Variants in RIT2 observed in about 807,000 individuals in gnomAD.
The protein encoded by RIT2 is Ras like without CAAX 2.
Under a neutral mutation model 23.7 loss-of-function variants are expected in RIT2, and 24 were observed. That is an observed-to-expected ratio of 1.01 (90% CI 0.73 to 1.43). The LOEUF (loss-of-function observed/expected upper bound fraction) is 1.43, where lower values mean the gene tolerates loss of function less well. RIT2 is among the 40% of genes most tolerant of loss of function. RIT2 has a pLI of 0.00. For synonymous variants in RIT2, 107 were observed against 91.1 expected, an observed-to-expected ratio of 1.17 and a Z score of -0.99; for missense variants, 236 against 266.9, an observed-to-expected ratio of 0.88 and a Z score of 0.81.
At position 42,928,669 on chromosome 18, in the gene RIT2, A is replaced by T. The variant is rs143630285; in HGVS notation, c.235-4906T>A. Reference sequence around the variant, plus strand: ...TCATGAATTTACTATAATTTTTGCAAAGCAAAAGGATTGCAATAAGTAGGA... The same window carrying T: ...TCATGAATTTACTATAATTTTTGCATAGCAAAAGGATTGCAATAAGTAGGA... On this transcript the variant is annotated intron_variant, in intron 3 of 4. Transcript: ENST00000326695. Among the ~76,000 whole-genome samples, 647 of 152,134 alleles carry T rather than the reference A, an allele frequency of 4.3e-3. 8 individuals are homozygous for T. The highest frequency in any genetic ancestry group is 0.015 in the African/African-American group (609 of 41,528).
intron 4 of RIT2, among the ~76,000 whole-genome samples, chr18:42,828,003 C>G (rs898430338): frequency 7.7e-5 from 4 of 51,744 alleles, no homozygotes; most frequent in African/African-American, 2.9e-4. Context: ...GACTCCGTCT[C>G]AAAAAAAAAA....
At chr18:42,929,034 G>GATATATATAGATATATATATATATAT (rs1555647356) in intron 3 of RIT2, among the ~76,000 whole-genome samples, 5 of 96,956 alleles carry the variant, frequency 5.2e-5, no homozygotes, top group Admixed American at 1.3e-4. Context: ...AAAATATGGA[G>GATATATATAGATATATATATATATAT]ATATATATAT....
intron 3 of RIT2, among the ~76,000 whole-genome samples, chr18:42,924,263 A>G (rs561908644): frequency 2.9e-4 from 44 of 152,154 alleles, no homozygotes; most frequent in Non-Finnish European, 5.9e-4. Flanking sequence ...ACTCAAAAAT[A>G]TGAAAATGAA....
intron 1 of RIT2, among the ~76,000 whole-genome samples, chr18:43,097,603 C>T (rs940480501): frequency 8.6e-5 from 13 of 151,958 alleles, no homozygotes; most frequent in Non-Finnish European, 1.3e-4. Context: ...ATGAAAAGTT[C>T]CTTTTGTCTG....
chr18:43,084,076 A>T (rs1296719869), intron 1 of RIT2, among the ~76,000 whole-genome samples: 4 of 152,206 alleles, frequency 2.6e-5, no homozygotes, highest in African/African-American at 7.2e-5. Flanking sequence ...TGGGCAAAGA[A>T]TATGAACAGA....
chr18:42,743,737 T>A lies in RIT2; in HGVS notation c.427-17A>T. The A allele has an allele frequency of 6.5e-7, 1 of 1,539,704 alleles. No individual in the cohort carries two copies. The highest frequency in any genetic ancestry group is 8.9e-7 in the Non-Finnish European group (1 of 1,124,092). On this transcript the variant is annotated splice_polypyrimidine_tract_variant and intron_variant, in intron 4 of 4. Transcript: ENST00000326695. The stretch of plus-strand genomic sequence containing the variant: ...TGTAGAAACCTAAGGAAAAAACAAA[T>A]AATATTAAAAAGACAGAAAGAGAAA...
chr18:43,071,379 G>A (rs1912893184), intron 1 of RIT2, among the ~76,000 whole-genome samples: 1 of 152,240 alleles, frequency 6.6e-6, no homozygotes, highest in Admixed American at 6.5e-5. Context: ...GAGTTGGGGT[G>A]GCGGGGGGCG....
chr18:43,046,321 C>G (rs898848790), intron 1 of RIT2, among the ~76,000 whole-genome samples: 2 of 152,212 alleles, frequency 1.3e-5, no homozygotes, highest in African/African-American at 4.8e-5. Flanking sequence ...AGTTTTAGAA[C>G]AGATTGTGAC....
intron 4 of RIT2, among the ~76,000 whole-genome samples, chr18:42,870,699 G>A (rs1442562344): frequency 2.0e-5 from 3 of 152,090 alleles, no homozygotes; most frequent in African/African-American, 7.2e-5. Flanking sequence ...AGAAGCAACG[G>A]CATGTCACTG....
At chr18:42,850,816 C>G (rs190026209) in intron 4 of RIT2, among the ~76,000 whole-genome samples, 3 of 152,236 alleles carry the variant, frequency 2.0e-5, no homozygotes, top group Admixed American at 2.0e-4. Context: ...AAGGTGCTTC[C>G]TTAACTCCCA....
In RIT2 at chr18:43,021,130, T is replaced by C. The variant is rs539250160; in HGVS notation, c.160+12681A>G. Reference sequence around the variant, plus strand: ...ACAATTCATCTGACAAGGCCTAATATCCAGAATATATAATGAACTCAAAAA... The same window carrying C: ...ACAATTCATCTGACAAGGCCTAATACCCAGAATATATAATGAACTCAAAAA... On this transcript the variant is annotated intron_variant, in intron 2 of 4. Transcript: ENST00000326695. Among the ~76,000 whole-genome samples, 18 of 152,164 alleles carry C rather than the reference T, an allele frequency of 1.2e-4. No homozygotes were observed. The South Asian group carries it at 1.9e-3, about 16-fold the overall frequency.
chr18:43,040,436 G>A (rs185666760), intron 1 of RIT2, among the ~76,000 whole-genome samples: 9 of 152,264 alleles, frequency 5.9e-5, no homozygotes, highest in Admixed American at 2.0e-4. Context: ...CATAAGTTAT[G>A]CTGGAAGATG....
chr18:43,065,054 A>C (rs1912737646), intron 1 of RIT2, among the ~76,000 whole-genome samples: 1 of 151,820 alleles, frequency 6.6e-6, no homozygotes, highest in East Asian at 1.9e-4. Flanking sequence ...TCCTGGCCTC[A>C]TGATCTGCCC....
At chr18:43,047,548 T>C (rs916311434) in intron 1 of RIT2, among the ~76,000 whole-genome samples, 1 of 152,158 alleles carries the variant, frequency 6.6e-6, no homozygotes, top group African/African-American at 2.4e-5. Context: ...TGCATTTTTC[T>C]CTTGATACGC....
At chr18:43,090,820 G>A (rs1008728245) in intron 1 of RIT2, among the ~76,000 whole-genome samples, 1 of 152,000 alleles carries the variant, frequency 6.6e-6, no homozygotes, top group South Asian at 2.1e-4. Flanking sequence ...GGAGCTAAAT[G>A]ATGAGAACAC....
At chr18:43,065,771 GT>G (rs149813523) in intron 1 of RIT2, among the ~76,000 whole-genome samples, 13,607 of 152,068 alleles carry the variant, frequency 0.089, 697 homozygotes, top group East Asian at 0.19. Context: ...ATCATGGAAG[GT>G]TTTATAGAGA....
intron 4 of RIT2, among the ~76,000 whole-genome samples, chr18:42,785,575 A>G (rs1369322595): frequency 6.6e-6 from 1 of 152,062 alleles, no homozygotes; most frequent in African/African-American, 2.4e-5. Context: ...ACTGAGAGTG[A>G]CCCAAATTTT....
Position 42,824,876 on chromosome 18 carries a change from T to G in RIT2, c.427-81156A>C, listed in dbSNP as rs1015075089. 4.5e-4 allele frequency among the ~76,000 whole-genome samples: 69 copies of G among 151,972 alleles called. 1 individual carries two copies. The highest frequency in any genetic ancestry group is 4.5e-3 in the Admixed American group (68 of 15,252). ...ACTATCAAGACTTTATTGATAGAAT[T>G]TCAGCAAGTTATTCTATGCCTGATA... On this transcript the variant is annotated intron_variant, in intron 4 of 4. Coordinates refer to ENST00000326695, the MANE Select transcript of RIT2 (RefSeq NM_002930.4).
At position 43,039,811 on chromosome 18, in the gene RIT2, TA is replaced by T. The variant is rs536305070; in HGVS notation, c.104-5945del. Among the ~76,000 whole-genome samples, 25 of 152,346 alleles carry T rather than the reference TA, an allele frequency of 1.6e-4. No homozygotes were observed. In the South Asian group the frequency reaches 5.0e-3, roughly 30 times the overall value. On this transcript the variant is annotated intron_variant, in intron 1 of 4. Transcript: ENST00000326695. ...CTCCTATTCATTTCTCACTGACCAGTAAACCCTTATGTGTAAGATGGAGCCC... is the reference window on the plus strand; with the variant it reads ...CTCCTATTCATTTCTCACTGACCAGTAACCCTTATGTGTAAGATGGAGCCC...
Sources: gnomAD v4.1 joint callset for allele counts (sites outside exome capture counted in the v4.1 genomes callset) on GRCh38, gnomAD v4.1.1 for gene constraint, MANE v1.5 for transcripts, NCBI Gene and HGNC (gene_info 2026-07-23, HGNC 2026-07-21) for gene names.